Variants in SYT1 observed in about 807,000 individuals in gnomAD.
SYT1 encodes the protein synaptotagmin 1.
A neutral mutation model predicts 44.8 loss-of-function variants in SYT1; 8 were observed. The ratio of observed to expected loss-of-function variants is 0.18; its 90% CI spans 0.10 to 0.32. The LOEUF is 0.32. SYT1 is among the 10% of genes least tolerant of loss of function. SYT1 has a pLI of 1.00. For missense variants in SYT1, 286 were observed against 509.3 expected (o/e 0.56, Z 4.22); for synonymous variants, 154 against 188.8 (o/e 0.82, Z 1.51).
chr12:78,897,304 C>A (rs986030256), intron 1 of SYT1, among the ~76,000 whole-genome samples: 1 of 151,792 alleles, frequency 6.6e-6, no homozygotes, highest in African/African-American at 2.4e-5. Context: ...AGAAAAGCAA[C>A]TTTTCTTTCT....
intron 9 of SYT1, among the ~76,000 whole-genome samples, chr12:79,427,076 T>C (rs1869496698): frequency 6.6e-6 from 1 of 152,222 alleles, no homozygotes; most frequent in Non-Finnish European, 1.5e-5. Context: ...TAAACTTCTT[T>C]CCTTTATAAA....
At chr12:79,205,038 C>A (rs1565854048) in intron 3 of SYT1, among the ~76,000 whole-genome samples, 1 of 147,040 alleles carries the variant, frequency 6.8e-6, no homozygotes, top group Non-Finnish European at 1.5e-5. Context: ...AATCTCGGCT[C>A]ACTGCAAGCT....
At chr12:78,945,694 G>A (rs1420346667) in intron 1 of SYT1, among the ~76,000 whole-genome samples, 2 of 151,990 alleles carry the variant, frequency 1.3e-5, no homozygotes, top group African/African-American at 2.4e-5. Flanking sequence ...TGTAGATTTT[G>A]ACAATGTAAT....
At chr12:79,083,659 G>A (rs1877187566) in intron 3 of SYT1, among the ~76,000 whole-genome samples, 1 of 151,958 alleles carries the variant, frequency 6.6e-6, no homozygotes. Flanking sequence ...TTTAAGTCTA[G>A]AAAATAGCAT....
chr12:79,267,749 G>T (rs553517414), intron 4 of SYT1, among the ~76,000 whole-genome samples: 1 of 152,100 alleles, frequency 6.6e-6, no homozygotes, highest in Non-Finnish European at 1.5e-5. Context: ...GTTTACCAGC[G>T]CACTTCTCCC....
chr12:79,279,760 A>G (rs1446140276), intron 4 of SYT1, among the ~76,000 whole-genome samples: 1 of 151,940 alleles, frequency 6.6e-6, no homozygotes, highest in African/African-American at 2.4e-5. Context: ...AAAACCCCAA[A>G]GACTCCTAGA....
intron 3 of SYT1, among the ~76,000 whole-genome samples, chr12:79,099,623 T>A (rs1431912179): frequency 6.6e-6 from 1 of 152,044 alleles, no homozygotes; most frequent in Admixed American, 6.6e-5. Context: ...TTTCTAACAA[T>A]GTGAAGAATA....
intron 3 of SYT1, among the ~76,000 whole-genome samples, chr12:79,064,023 C>T (rs77741860): frequency 0.022 from 3,301 of 152,244 alleles, 114 homozygotes; most frequent in African/African-American, 0.075. Flanking sequence ...AATGAGCCCC[C>T]TCCTTATCCC....
At chr12:79,399,360 G>A (rs1229943962) in intron 9 of SYT1, among the ~76,000 whole-genome samples, 1 of 145,266 alleles carries the variant, frequency 6.9e-6, no homozygotes, top group Non-Finnish European at 1.5e-5. Flanking sequence ...GGAATATTAT[G>A]ATAAAAGATA....
At chr12:79,077,516 G>T (rs1876739404) in intron 3 of SYT1, among the ~76,000 whole-genome samples, 1 of 152,134 alleles carries the variant, frequency 6.6e-6, no homozygotes, top group South Asian at 2.1e-4. Context: ...AAATTAGGTG[G>T]TTATTTGGGT....
chr12:79,253,520 T>G (rs1877348493), intron 4 of SYT1, among the ~76,000 whole-genome samples: 1 of 140,832 alleles, frequency 7.1e-6, no homozygotes. Flanking sequence ...TCTCTCTCTC[T>G]CTCTCACCTC....
chr12:78,905,632 T>C (rs1592543453), intron 1 of SYT1, among the ~76,000 whole-genome samples: 1 of 152,108 alleles, frequency 6.6e-6, no homozygotes, highest in African/African-American at 2.4e-5. Flanking sequence ...CTACAATATA[T>C]TGGATTTTGA....
chr12:79,287,874 A>G (rs1218232301), intron 5 of SYT1, among the ~76,000 whole-genome samples: 1 of 152,118 alleles, frequency 6.6e-6, no homozygotes, highest in Non-Finnish European at 1.5e-5. Context: ...TGATTCAAAC[A>G]AAGAAATATT....
chr12:79,011,076 A>T (rs1871378264), intron 2 of SYT1, among the ~76,000 whole-genome samples: 1 of 152,224 alleles, frequency 6.6e-6, no homozygotes, highest in Non-Finnish European at 1.5e-5. Flanking sequence ...TTCTTAAAAG[A>T]AATAATGGCT....
intron 2 of SYT1, among the ~76,000 whole-genome samples, chr12:79,040,387 T>G (rs1178266412): frequency 6.6e-6 from 1 of 152,224 alleles, no homozygotes; most frequent in Non-Finnish European, 1.5e-5. Context: ...TGATGAGCAT[T>G]TCTTCATGTG....
At chr12:79,262,052 T>C (rs1877858892) in intron 4 of SYT1, among the ~76,000 whole-genome samples, 1 of 152,216 alleles carries the variant, frequency 6.6e-6, no homozygotes, top group Non-Finnish European at 1.5e-5. Flanking sequence ...CAATCTATTC[T>C]GATATAGAAA....
At chr12:79,038,057 G>T (rs994518043) in intron 2 of SYT1, among the ~76,000 whole-genome samples, 1 of 151,370 alleles carries the variant, frequency 6.6e-6, no homozygotes, top group African/African-American at 2.4e-5. Flanking sequence ...ACAAAAAGCT[G>T]CAGGGATAGT....
At chr12:78,980,278 G>T (rs77099237) in intron 2 of SYT1, among the ~76,000 whole-genome samples, 52 of 152,238 alleles carry the variant, frequency 3.4e-4, no homozygotes, top group African/African-American at 1.2e-3. Context: ...AGTTCTAGTA[G>T]AAAGACTACA....
intron 3 of SYT1, among the ~76,000 whole-genome samples, chr12:79,190,080 C>T (rs1372570460): frequency 6.6e-6 from 1 of 152,128 alleles, no homozygotes; most frequent in African/African-American, 2.4e-5. Context: ...ATGACTAATG[C>T]ATAATTAACT....
Sources: allele counts gnomAD v4.1 joint callset (sites outside exome capture counted in the v4.1 genomes callset), GRCh38; gene constraint gnomAD v4.1.1; transcripts MANE v1.5; gene names NCBI Gene and HGNC (gene_info 2026-07-23, HGNC 2026-07-21).